CATSPERT: variants seen among roughly 807,000 people sequenced by gnomAD.
CATSPERT encodes the protein catsper channel auxiliary subunit tau.
chr2:201,611,285 A>G, the CATSPERT span, among the ~76,000 whole-genome samples: 1 of 152,228 alleles, frequency 6.6e-6, no homozygotes, highest in Non-Finnish European at 1.5e-5. Context: ...AAATCAACAT[A>G]ATGTTATGAA....
At chr2:201,594,113 G>A in the CATSPERT span, among the ~76,000 whole-genome samples, 1 of 152,310 alleles carries the variant, frequency 6.6e-6, no homozygotes, top group Admixed American at 6.5e-5. Flanking sequence ...GCAGCAGCTG[G>A]TACTGGTTGT....
chr2:201,503,760 A>T, the CATSPERT span, among the ~76,000 whole-genome samples: 16 of 151,520 alleles, frequency 1.1e-4, no homozygotes, highest in South Asian at 2.1e-4. Context: ...TGATTGATAA[A>T]TTTTTTTTTC....
At chr2:201,527,000 C>A in the CATSPERT span, among the ~76,000 whole-genome samples, 1 of 152,116 alleles carries the variant, frequency 6.6e-6, no homozygotes, top group Admixed American at 6.5e-5. Context: ...TAATTCTATA[C>A]CTACAAAACC....
chr2:201,557,780 C>T, the CATSPERT span: 2 of 152,216 alleles, frequency 1.3e-5, no homozygotes, highest in South Asian at 2.1e-4. Flanking sequence ...GTCACATTTT[C>T]CACATCAAGC....
chr2:201,593,590 C>T, the CATSPERT span, among the ~76,000 whole-genome samples: 10 of 123,644 alleles, frequency 8.1e-5, no homozygotes, highest in African/African-American at 2.7e-4. Context: ...TTAAAGTTTC[C>T]CATTATTAAT....
At chr2:201,493,083 T>G in the CATSPERT span, 2 of 1,533,298 alleles carry the variant, frequency 1.3e-6, no homozygotes, top group Admixed American at 2.0e-5. Context: ...GTCCTCTTCT[T>G]TCAGAATGAT....
At chr2:201,491,858 G>A in the CATSPERT span, 1 of 1,536,886 alleles carries the variant, frequency 6.5e-7, no homozygotes, top group Non-Finnish European at 8.7e-7. Flanking sequence ...TCTGTTTTAT[G>A]AACAGAATTT....
chr2:201,494,673 T>C, the CATSPERT span: 2 of 1,536,156 alleles, frequency 1.3e-6, no homozygotes. Context: ...TATATTTGTA[T>C]ATATCTTGAT....
At chr2:201,488,253 T>C in the CATSPERT span, among the ~76,000 whole-genome samples, 1 of 152,252 alleles carries the variant, frequency 6.6e-6, no homozygotes, top group Non-Finnish European at 1.5e-5. Context: ...GTCAGACTCC[T>C]AAGCAATGCT....
chr2:201,516,844 T>C, the CATSPERT span, among the ~76,000 whole-genome samples: 1 of 151,868 alleles, frequency 6.6e-6, no homozygotes, highest in Non-Finnish European at 1.5e-5. Flanking sequence ...GTCAGGAGTT[T>C]AACCTTATTT....
At chr2:201,500,499 G>A in the CATSPERT span, among the ~76,000 whole-genome samples, 2 of 152,054 alleles carry the variant, frequency 1.3e-5, no homozygotes, top group African/African-American at 2.4e-5. Context: ...GAGTGACAGA[G>A]TGAGACTCTG....
At chr2:201,585,428 G>C in the CATSPERT span, among the ~76,000 whole-genome samples, 1 of 148,314 alleles carries the variant, frequency 6.7e-6, no homozygotes, top group African/African-American at 2.5e-5. Flanking sequence ...AAAAAGACCA[G>C]GCAAACAAAA....
chr2:201,605,586 C>A, the CATSPERT span, among the ~76,000 whole-genome samples: 1 of 152,046 alleles, frequency 6.6e-6, no homozygotes, highest in Admixed American at 6.5e-5. Context: ...GAAGAGAGTA[C>A]ACTTAAACTA....
At chr2:201,618,784 G>A in the CATSPERT span, 4 of 762,650 alleles carry the variant, frequency 5.2e-6, no homozygotes, top group Non-Finnish European at 8.3e-6. Flanking sequence ...TTCAATGTGT[G>A]CCAATTGAAG....
chr2:201,593,440 GA>G, the CATSPERT span, among the ~76,000 whole-genome samples: 1 of 151,226 alleles, frequency 6.6e-6, no homozygotes, highest in Non-Finnish European at 1.5e-5. Context: ...TTACGGTGCT[GA>G]AAAAAATGTA....
chr2:201,604,655 C>G, the CATSPERT span: 1 of 1,605,662 alleles, frequency 6.2e-7, no homozygotes, highest in East Asian at 2.3e-5. Flanking sequence ...TGTGTTATTT[C>G]CAGTTCTTCA....
the CATSPERT span, among the ~76,000 whole-genome samples, chr2:201,525,553 C>A: frequency 6.6e-6 from 1 of 151,962 alleles, no homozygotes; most frequent in Non-Finnish European, 1.5e-5. Flanking sequence ...AATTTTTCTA[C>A]AGGAAGCAGA....
At chr2:201,581,162 T>C in the CATSPERT span, among the ~76,000 whole-genome samples, 1 of 151,604 alleles carries the variant, frequency 6.6e-6, no homozygotes, top group Non-Finnish European at 1.5e-5. Context: ...TCCCAACACT[T>C]TGGGAGGCTG....
the CATSPERT span, among the ~76,000 whole-genome samples, chr2:201,527,725 A>G: frequency 6.6e-6 from 1 of 152,056 alleles, no homozygotes; most frequent in South Asian, 2.1e-4. Context: ...ATTAAAACAG[A>G]CCCCTTCCTT....
Sources: allele counts gnomAD v4.1 joint callset (sites outside exome capture counted in the v4.1 genomes callset), GRCh38; gene constraint gnomAD v4.1.1; transcripts MANE v1.5; gene names NCBI Gene and HGNC (gene_info 2026-07-23, HGNC 2026-07-21).